The following NRG4 variants were observed in gnomAD, a reference collection of about 807,000 sequenced individuals.
NRG4 encodes the protein pro-neuregulin-4, membrane-bound isoform.
In NRG4, 10 loss-of-function variants were observed where a neutral mutation model predicts 15.0. The observed-to-expected ratio is 0.67, with a 90% CI of 0.41 to 1.13. The LOEUF is 1.13. Ranked by LOEUF, NRG4 falls within the 50% of genes most tolerant of loss-of-function variation. The pLI is 0.00. For missense variants in NRG4, 139 were observed against 140.2 expected (o/e 0.99, Z 0.04); for synonymous variants, 41 against 50.1 (o/e 0.82, Z 0.77).
chr15:76,025,206 G>A lies in NRG4; in HGVS notation c.-57+10738C>T, dbSNP rs189308278. On this transcript the variant is annotated intron_variant, in intron 5 of 8. Coordinates refer to the NRG4 transcript ENST00000563910. ...TGTAATCCCAGCACTTTGGGAGGCTGAGGCAGGTGGATCGCGAGGTCAGGA... is the reference window on the plus strand; with the variant it reads ...TGTAATCCCAGCACTTTGGGAGGCTAAGGCAGGTGGATCGCGAGGTCAGGA... Among the ~76,000 whole-genome samples, 1,100 of 152,208 alleles carry A rather than the reference G, an allele frequency of 7.2e-3. 12 individuals carry two copies. The highest frequency in any genetic ancestry group is 0.025 in the African/African-American group (1,035 of 41,536).
intron 4 of NRG4, among the ~76,000 whole-genome samples, chr15:75,956,698 C>T (rs1258606906): frequency 6.6e-6 from 1 of 152,146 alleles, no homozygotes. Flanking sequence ...CAGATTTTAG[C>T]ATTAGTGGGG....
upstream of NRG4, among the ~76,000 whole-genome samples, chr15:76,014,669 T>C (rs1488849407): frequency 6.6e-6 from 1 of 152,230 alleles, no homozygotes; most frequent in Non-Finnish European, 1.5e-5. Flanking sequence ...GGTGGAGTTA[T>C]TTCTGAGGCC....
chr15:75,962,393 C>A (rs1197561732), intron 3 of NRG4, among the ~76,000 whole-genome samples: 1 of 152,134 alleles, frequency 6.6e-6, no homozygotes, highest in East Asian at 1.9e-4. Context: ...AATAATCAAT[C>A]CATTACCCAG....
Position 75,943,505 on chromosome 15 carries a change from G to A in NRG4, c.*133C>T. 3.1e-6 allele frequency: 2 copies of A among 648,064 alleles called. No individual in the cohort carries two copies. The highest frequency in any genetic ancestry group is 5.5e-6 in the Non-Finnish European group (2 of 366,228). The allele number at this position is 648,064 out of a possible 1,614,324, so 40.1% of individuals were successfully genotyped here. A position where few individuals can be genotyped will look rare whatever the true frequency, so the allele number is the denominator to read the frequency against. On this transcript the variant is annotated 3_prime_UTR_variant, in exon 6 of 6. Transcript: ENST00000394907. ...ACACCTTGCAGCAGAATGGATTATG[G>A]TTCATGATACGAGTTACACAAGCGT...
intron 1 of NRG4, chr15:76,057,084 C>T (rs1364054929): frequency 1.3e-5 from 2 of 152,196 alleles, no homozygotes; most frequent in African/African-American, 2.4e-5. Flanking sequence ...AGCTCTTATA[C>T]TTTCCTGTTG....
chr15:76,012,518 A>C (rs1172240972), upstream of NRG4: 1 of 152,210 alleles, frequency 6.6e-6, no homozygotes, highest in Non-Finnish European at 1.5e-5. Flanking sequence ...CCACCCCTTC[A>C]ATTTACGTGT....
upstream of NRG4, among the ~76,000 whole-genome samples, chr15:76,016,552 G>A (rs978973459): frequency 2.0e-5 from 3 of 152,018 alleles, no homozygotes; most frequent in Admixed American, 1.3e-4. Context: ...GTTCTTATTG[G>A]TTTCAAAGAA....
chr15:75,972,733 T>TCTGTTTTGGTACCAGTACCATG (rs2033156715), intron 3 of NRG4, among the ~76,000 whole-genome samples: 1 of 152,168 alleles, frequency 6.6e-6, no homozygotes, highest in Non-Finnish European at 1.5e-5. Context: ...GGTCTATATA[T>TCTGTTTTGGTACCAGTACCATG]CTGTTTTGGT....
At chr15:75,944,478 G>T (rs925924340) in intron 5 of NRG4, among the ~76,000 whole-genome samples, 1 of 152,130 alleles carries the variant, frequency 6.6e-6, no homozygotes, top group Non-Finnish European at 1.5e-5. Context: ...GAATACATTG[G>T]AAAGATTGCC....
At chr15:76,057,895 G>A (rs1017500188) in intron 1 of NRG4, among the ~76,000 whole-genome samples, 1 of 151,368 alleles carries the variant, frequency 6.6e-6, no homozygotes, top group Non-Finnish European at 1.5e-5. Context: ...AGAAAAAAAT[G>A]TTCCCTTGAA....
intron 3 of NRG4, among the ~76,000 whole-genome samples, chr15:75,963,634 T>G (rs1174261804): frequency 1.3e-5 from 2 of 151,950 alleles, no homozygotes; most frequent in Non-Finnish European, 2.9e-5. Flanking sequence ...AAAAATTATC[T>G]GGGTGTGGTG....
chr15:75,964,724 G>T (rs865988675), intron 3 of NRG4, among the ~76,000 whole-genome samples: 2 of 151,990 alleles, frequency 1.3e-5, no homozygotes, highest in South Asian at 2.1e-4. Context: ...CCAGGAGTTT[G>T]AGACCAGCCT....
chr15:75,951,875 C>G (rs1270234301), intron 5 of NRG4, among the ~76,000 whole-genome samples: 1 of 152,042 alleles, frequency 6.6e-6, no homozygotes, highest in South Asian at 2.1e-4. Context: ...ACACATTTAC[C>G]CACATAGTTG....
chr15:76,026,682 AAAAT>A (rs2035323733), intron 5 of NRG4, among the ~76,000 whole-genome samples: 1 of 152,212 alleles, frequency 6.6e-6, no homozygotes. Context: ...ACCAATTGCA[AAAAT>A]AAATAAAAGA....
chr15:75,978,970 G>GGCTTTTTT (rs556612059), intron 3 of NRG4, among the ~76,000 whole-genome samples: 55 of 151,940 alleles, frequency 3.6e-4, no homozygotes, highest in African/African-American at 1.3e-3. Context: ...AGATTATTTG[G>GGCTTTTTT]GCTTTTTTTT....
intron 4 of NRG4, among the ~76,000 whole-genome samples, chr15:76,043,642 C>T (rs2141956419): frequency 6.6e-6 from 1 of 152,176 alleles, no homozygotes. Flanking sequence ...TTGAAAAAGA[C>T]ACAAAAAATG....
At chr15:76,005,679 G>GAAAAAAAAAAAACAAAAAAAA in intron 3 of NRG4, 1 of 148,536 alleles carries the variant, frequency 6.7e-6, no homozygotes, top group Admixed American at 8.0e-5. Flanking sequence ...CTCTGTCTCA[G>GAAAAAAAAAAAACAAAAAAAA]AAAAAAAAAA....
intron 2 of NRG4, among the ~76,000 whole-genome samples, chr15:76,055,301 G>A (rs568552964): frequency 1.3e-5 from 2 of 152,046 alleles, no homozygotes; most frequent in South Asian, 2.1e-4. Flanking sequence ...TTATTCAAGA[G>A]GATAATTCCA....
intron 5 of NRG4, among the ~76,000 whole-genome samples, chr15:76,019,313 C>T (rs1402950374): frequency 4.6e-5 from 7 of 152,076 alleles, no homozygotes; most frequent in Admixed American, 2.6e-4. Flanking sequence ...GGCTCCCTGG[C>T]TTCAGCCCCC....
Sources: allele counts gnomAD v4.1 joint callset (sites outside exome capture counted in the v4.1 genomes callset), GRCh38; gene constraint gnomAD v4.1.1; transcripts MANE v1.5; gene names NCBI Gene and HGNC (gene_info 2026-07-23, HGNC 2026-07-21).